The following SPHKAP variants were observed in gnomAD, a reference collection of about 807,000 sequenced individuals.
SPHKAP encodes the protein A-kinase anchor protein SPHKAP.
Under a neutral mutation model 137.5 loss-of-function variants are expected in SPHKAP, and 67 were observed. The observed-to-expected ratio is 0.49, with a 90% CI of 0.40 to 0.60. SPHKAP has a LOEUF of 0.60. Ranked by LOEUF, SPHKAP falls within the 20% of genes least tolerant of loss-of-function variation. The pLI is 0.00. For synonymous variants in SPHKAP, 813 were observed against 785.3 expected (o/e 1.04, Z -0.59); for missense variants, 2,097 against 2,069.3 (o/e 1.01, Z -0.26).
At chr2:228,005,542 C>T (rs1201271557) in intron 7 of SPHKAP, among the ~76,000 whole-genome samples, 1 of 152,128 alleles carries the variant, frequency 6.6e-6, no homozygotes, top group Non-Finnish European at 1.5e-5. Flanking sequence ...GCATTTAGCC[C>T]ATTTACATTT....
chr2:228,132,736 G>A (rs1699292525), intron 1 of SPHKAP, among the ~76,000 whole-genome samples: 1 of 151,932 alleles, frequency 6.6e-6, no homozygotes, highest in Admixed American at 6.6e-5. Context: ...GGTGGCTCAT[G>A]CCTGTAATCA....
chr2:228,128,487 A>G (rs1007271475), intron 2 of SPHKAP, among the ~76,000 whole-genome samples: 1 of 152,120 alleles, frequency 6.6e-6, no homozygotes, highest in African/African-American at 2.4e-5. Context: ...GTTGGAATCA[A>G]CTTTCAAACT....
chr2:228,151,221 A>C lies in SPHKAP; in HGVS notation c.33-19136T>G, dbSNP rs112708020. ...TCCTTGCGATAGTTTACTGAGAATG[A>C]TGATTTCCAGTTTCATCCATGTCCC... On this transcript the variant is annotated intron_variant, in intron 1 of 11. Transcript: ENST00000392056. Among the ~76,000 whole-genome samples, 240 of 151,756 alleles carry C rather than the reference A, an allele frequency of 1.6e-3. 1 individual carries two copies. Among genetic ancestry groups the C allele is most frequent in the African/African-American group, 5.4e-3 (223 of 41,354 alleles).
chr2:228,104,125 A>G (rs12990982), intron 3 of SPHKAP, among the ~76,000 whole-genome samples: 39,510 of 149,978 alleles, frequency 0.26, 5,442 homozygotes, highest in Admixed American at 0.36. Flanking sequence ...AAACACTAAC[A>G]GCTTCTTGAA....
chr2:228,146,067 T>C (rs1247262376), intron 1 of SPHKAP, among the ~76,000 whole-genome samples: 2 of 152,200 alleles, frequency 1.3e-5, no homozygotes, highest in Non-Finnish European at 2.9e-5. Context: ...CCTTTCACGT[T>C]AGAGAAATTG....
intron 1 of SPHKAP, among the ~76,000 whole-genome samples, chr2:228,142,574 T>C (rs1012746930): frequency 3.3e-5 from 5 of 152,130 alleles, no homozygotes; most frequent in African/African-American, 1.2e-4. Context: ...TGGAGGCTAT[T>C]AACCTTAGCA....
chr2:228,144,946 TC>T (rs1699730491), intron 1 of SPHKAP, among the ~76,000 whole-genome samples: 1 of 152,194 alleles, frequency 6.6e-6, no homozygotes, highest in Non-Finnish European at 1.5e-5. Flanking sequence ...AAAGCTTTAG[TC>T]CTGACTGAGA....
At chr2:228,144,322 T>C (rs942190461) in intron 1 of SPHKAP, among the ~76,000 whole-genome samples, 3 of 152,212 alleles carry the variant, frequency 2.0e-5, no homozygotes, top group Admixed American at 1.3e-4. Flanking sequence ...CCATGCTCTA[T>C]AGATTATAAA....
intron 3 of SPHKAP, among the ~76,000 whole-genome samples, chr2:228,082,178 GA>G (rs1682997888): frequency 6.6e-6 from 1 of 152,128 alleles, no homozygotes; most frequent in African/African-American, 2.4e-5. Context: ...GAAAATCAAG[GA>G]TATGAAATCA....
chr2:228,159,719 G>T (rs1179612535), intron 1 of SPHKAP, among the ~76,000 whole-genome samples: 1 of 152,082 alleles, frequency 6.6e-6, no homozygotes, highest in Non-Finnish European at 1.5e-5. Flanking sequence ...CCAAACTGAG[G>T]GACATATTAA....
At chr2:228,063,991 C>T (rs564338553) in intron 3 of SPHKAP, among the ~76,000 whole-genome samples, 23 of 152,296 alleles carry the variant, frequency 1.5e-4, no homozygotes, top group Admixed American at 5.9e-4. Flanking sequence ...TCTTTAACAG[C>T]ATCACTCTGG....
chr2:228,083,645 G>A (rs1697439542), intron 3 of SPHKAP, among the ~76,000 whole-genome samples: 1 of 152,074 alleles, frequency 6.6e-6, no homozygotes, highest in Non-Finnish European at 1.5e-5. Context: ...TATGTTTATT[G>A]CAGCACTATT....
chr2:228,167,412 A>G (rs1295952669), intron 1 of SPHKAP, among the ~76,000 whole-genome samples: 1 of 152,192 alleles, frequency 6.6e-6, no homozygotes, highest in Non-Finnish European at 1.5e-5. Context: ...TTTAATCACT[A>G]TATTGAAGCA....
At chr2:228,104,370 CATTAT>C (rs1285930165) in intron 3 of SPHKAP, among the ~76,000 whole-genome samples, 6 of 140,882 alleles carry the variant, frequency 4.3e-5, no homozygotes, top group South Asian at 2.2e-4. Flanking sequence ...ATATAAATAT[CATTAT>C]ATTATATTAT....
chr2:228,092,335 GTGTA>G (rs764592745), intron 3 of SPHKAP, among the ~76,000 whole-genome samples: 7 of 115,320 alleles, frequency 6.1e-5, no homozygotes, highest in Non-Finnish European at 1.1e-4. Context: ...ACACACACAC[GTGTA>G]TGTGTGTGTA....
At chr2:228,126,157 TA>T (rs1031079857) in intron 2 of SPHKAP, among the ~76,000 whole-genome samples, 9 of 152,182 alleles carry the variant, frequency 5.9e-5, no homozygotes, top group Non-Finnish European at 1.2e-4. Flanking sequence ...CAAGGGATTC[TA>T]GGGGGAGAAC....
At chr2:228,111,346 G>T (rs1698510021) in intron 2 of SPHKAP, among the ~76,000 whole-genome samples, 1 of 152,120 alleles carries the variant, frequency 6.6e-6, no homozygotes, top group South Asian at 2.1e-4. Context: ...ATCACTGAGG[G>T]TATTCAGTGA....
intron 7 of SPHKAP, among the ~76,000 whole-genome samples, chr2:228,010,832 A>G (rs1439871629): frequency 1.3e-5 from 2 of 152,144 alleles, no homozygotes; most frequent in African/African-American, 4.8e-5. Flanking sequence ...ATTAAACATA[A>G]GTACTTTACA....
chr2:228,008,728 T>C (rs1175570952), intron 7 of SPHKAP, among the ~76,000 whole-genome samples: 1 of 152,178 alleles, frequency 6.6e-6, no homozygotes, highest in Non-Finnish European at 1.5e-5. Flanking sequence ...TCTGTACTGT[T>C]TATTGAAGAG....
Sources: gnomAD v4.1 joint callset for allele counts (sites outside exome capture counted in the v4.1 genomes callset) on GRCh38, gnomAD v4.1.1 for gene constraint, MANE v1.5 for transcripts, NCBI Gene and HGNC (gene_info 2026-07-23, HGNC 2026-07-21) for gene names.